FYB2: variants seen among roughly 807,000 people sequenced by gnomAD.
FYB2 encodes FYN binding protein 2, also known as FYN-binding protein 2.
Under a neutral mutation model 94.1 loss-of-function variants are expected in FYB2, and 103 were observed. The ratio of observed to expected loss-of-function variants is 1.09; its 90% confidence interval spans 0.93 to 1.29. The LOEUF (loss-of-function observed/expected upper bound fraction) is 1.29, where lower values mean the gene tolerates loss of function less well. Ranked by LOEUF, FYB2 falls within the 50% of genes most tolerant of loss-of-function variation. The probability of loss-of-function intolerance (pLI) is 0.00; values close to 1 mark genes in which losing one functional copy is unlikely to be tolerated. For missense variants in FYB2, 896 were observed against 841.5 expected, an observed-to-expected ratio of 1.06 and a Z score of -0.80; for synonymous variants, 293 against 287.9, an observed-to-expected ratio of 1.02 and a Z score of -0.18.
chr1:56,751,681 C>T (rs1210523660), intron 8 of FYB2, among the ~76,000 whole-genome samples: 2 of 152,028 alleles, frequency 1.3e-5, no homozygotes, highest in African/African-American at 4.8e-5. Context: ...TGTCTTCCCA[C>T]CCACCATTCT....
intron 15 of FYB2, among the ~76,000 whole-genome samples, chr1:56,729,156 G>A (rs1339667806): frequency 2.0e-5 from 3 of 152,126 alleles, no homozygotes; most frequent in African/African-American, 7.2e-5. Flanking sequence ...GAAAGTGATG[G>A]TTAACCACCA....
At chr1:56,748,953 G>A (rs857112) in intron 9 of FYB2, among the ~76,000 whole-genome samples, 34,108 of 151,458 alleles carry the variant, frequency 0.23, 3,940 homozygotes, top group South Asian at 0.33. Flanking sequence ...ATTTGTGAAA[G>A]GCATTTTTAT....
At chr1:56,804,655 A>G (rs1646598661) in intron 1 of FYB2, among the ~76,000 whole-genome samples, 1 of 152,120 alleles carries the variant, frequency 6.6e-6, no homozygotes, top group Non-Finnish European at 1.5e-5. Context: ...GCTTGAACCC[A>G]GGAGGCAGAG....
rs565753067 is a variant in FYB2, at chr1:56,792,036, A to G, written c.757+20T>C. 1.3e-6 allele frequency: 2 copies of G among 1,550,918 alleles called. No individual in the cohort carries two copies. The highest frequency in any genetic ancestry group is 1.7e-6 in the Non-Finnish European group (2 of 1,155,232). ...ATGACACCTCCCTAGCCCCTGTCCC[A>G]TGGGGATCACGTTTGTTACCTGGGG... On this transcript the variant is annotated intron_variant, in intron 2 of 19. Transcript: ENST00000343433.
chr1:56,801,533 C>T (rs1570213442), intron 1 of FYB2, among the ~76,000 whole-genome samples: 1 of 152,296 alleles, frequency 6.6e-6, no homozygotes, highest in East Asian at 1.9e-4. Flanking sequence ...ATGATCTCAT[C>T]TTTCACCCTA....
chr1:56,802,756 C>A (rs1432424357), intron 1 of FYB2, among the ~76,000 whole-genome samples: 1 of 151,656 alleles, frequency 6.6e-6, no homozygotes, highest in African/African-American at 2.4e-5. Flanking sequence ...TGTAGGGAAC[C>A]CTTCGGTGGA....
chr1:56,737,938 C>G lies in FYB2; in HGVS notation c.1732+687G>C, dbSNP rs548611934. ...TATAATTGTCATTTGTCTTTTAGTT[C>G]AGCAAACTCATATTTATGAAATATA... is the stretch of plus-strand genomic sequence containing the variant. On this transcript the variant is annotated intron_variant, in intron 14 of 19. Transcript: ENST00000343433. Among the ~76,000 whole-genome samples, 212 of 152,098 alleles carry G rather than the reference C, an allele frequency of 1.4e-3. 1 individual carries two copies. The highest frequency in any genetic ancestry group is 3.9e-3 in the Admixed American group (60 of 15,252).
rs752001004 is a variant in FYB2, at chr1:56,792,828, A to G, written c.10-25T>C. The G allele has an allele frequency of 7.7e-6, 12 of 1,558,752 alleles. 1 individual carries two copies. In the South Asian group the frequency reaches 1.4e-4, roughly 18 times the overall value. On this transcript the variant is annotated intron_variant, in intron 1 of 19. Coordinates refer to ENST00000343433, the MANE Select transcript of FYB2 (RefSeq NM_001004303.5). The stretch of plus-strand genomic sequence containing the variant: ...CCTAAGGCAAAGAATAATCAAACAA[A>G]CAAACAAAAACAAAAACAAACAAAC...
intron 4 of FYB2, among the ~76,000 whole-genome samples, chr1:56,778,559 T>C (rs1645936150): frequency 6.6e-6 from 1 of 152,170 alleles, no homozygotes; most frequent in Non-Finnish European, 1.5e-5. Flanking sequence ...CCCCTCTCTG[T>C]CAGGTACTGT....
chr1:56,780,585 T>C (rs369114018), intron 4 of FYB2, among the ~76,000 whole-genome samples: 2 of 152,188 alleles, frequency 1.3e-5, no homozygotes, highest in South Asian at 4.1e-4. Flanking sequence ...TGACTCTCCA[T>C]GGTCAGAGAG....
At chr1:56,765,969 G>A (rs994690996) in intron 5 of FYB2, among the ~76,000 whole-genome samples, 1 of 152,158 alleles carries the variant, frequency 6.6e-6, no homozygotes, top group African/African-American at 2.4e-5. Flanking sequence ...GATTCTAGGG[G>A]CATCACGTGG....
At chr1:56,755,874 T>C (rs1303789153) in intron 7 of FYB2, 22 bp downstream of exon 7, 2 of 1,592,742 alleles carry the variant, frequency 1.3e-6, no homozygotes, top group Non-Finnish European at 1.7e-6. Flanking sequence ...CAGGTGCTTT[T>C]CTTTTGAAAG....
At chr1:56,721,294 T>G (rs1459451932) in intron 17 of FYB2, among the ~76,000 whole-genome samples, 1 of 152,054 alleles carries the variant, frequency 6.6e-6, no homozygotes, top group African/African-American at 2.4e-5. Flanking sequence ...ACCAAATATC[T>G]CCTTTTGCCC....
At position 56,726,484 on chromosome 1, in the gene FYB2, T is replaced by G. The variant is rs1183283155; in HGVS notation, c.1880+13A>C. ...GCAGATAAGCTATAATAGAAGTGCC[T>G]CTGTGTTCCCACCTTTCTGATTCTT... is the stretch of plus-strand genomic sequence containing the variant. On this transcript the variant is annotated intron_variant, in intron 16 of 19. Coordinates refer to ENST00000343433, the MANE Select transcript of FYB2 (RefSeq NM_001004303.5). 1.2e-6 allele frequency: 2 copies of G among 1,608,688 alleles called. No homozygotes were observed. The highest frequency in any genetic ancestry group is 1.7e-6 in the Non-Finnish European group (2 of 1,177,252).
At chr1:56,752,048 G>T (rs956483993) in intron 8 of FYB2, among the ~76,000 whole-genome samples, 1 of 152,102 alleles carries the variant, frequency 6.6e-6, no homozygotes. Flanking sequence ...ACAAAAAAAA[G>T]GCACAGGGGA....
chr1:56,789,259 G>T, intron 2 of FYB2, 125 bp from the exon 3 acceptor site: 1 of 1,102,132 alleles, frequency 9.1e-7, no homozygotes, highest in Non-Finnish European at 1.3e-6. Context: ...CAGCTAGAGT[G>T]CCCTGATCAA....
intron 1 of FYB2, among the ~76,000 whole-genome samples, chr1:56,805,286 C>A (rs7554784): frequency 6.6e-6 from 1 of 152,206 alleles, no homozygotes; most frequent in African/African-American, 2.4e-5. Context: ...ATGGACGATA[C>A]GTGTCCTTTT....
At chr1:56,753,571 T>C (rs146111063) in intron 8 of FYB2, among the ~76,000 whole-genome samples, 1,927 of 152,196 alleles carry the variant, frequency 0.013, 24 homozygotes, top group Non-Finnish European at 0.019. Context: ...TGAGAGTGGG[T>C]ACTGCCTTAT....
intron 4 of FYB2, among the ~76,000 whole-genome samples, chr1:56,784,365 T>C (rs1410455371): frequency 2.0e-5 from 3 of 152,182 alleles, no homozygotes; most frequent in Non-Finnish European, 2.9e-5. Flanking sequence ...CATGAGATTA[T>C]CAGCACATTC....
Sources: allele counts gnomAD v4.1 joint callset (sites outside exome capture counted in the v4.1 genomes callset), GRCh38; gene constraint gnomAD v4.1.1; transcripts MANE v1.5; gene names NCBI Gene and HGNC (gene_info 2026-07-23, HGNC 2026-07-21).